Variants in CALN1 observed in about 807,000 individuals in gnomAD.
CALN1 encodes calneuron 1, also known as calcium-binding protein 8.
A neutral mutation model predicts 30.6 loss-of-function variants in CALN1; 17 were observed. That is an observed-to-expected ratio of 0.56 (90% CI 0.38 to 0.83). CALN1 has a LOEUF of 0.83. CALN1 is among the 40% of genes least tolerant of loss of function. The pLI, the probability that CALN1 is intolerant of heterozygous loss-of-function variation, is 0.00. For missense variants in CALN1, 291 were observed against 354.9 expected, an observed-to-expected ratio of 0.82 and a Z score of 1.45; for synonymous variants, 156 against 131.4, an observed-to-expected ratio of 1.19 and a Z score of -1.28.
intron 6 of CALN1, among the ~76,000 whole-genome samples, chr7:71,809,691 GCTCT>G (rs557816720): frequency 1.3e-5 from 2 of 151,698 alleles, no homozygotes; most frequent in African/African-American, 4.8e-5. Context: ...GATTCAGTAG[GCTCT>G]CTTTTTTCTT....
At chr7:72,015,478 C>T (rs747336187) in intron 5 of CALN1, among the ~76,000 whole-genome samples, 4 of 149,656 alleles carry the variant, frequency 2.7e-5, no homozygotes, top group Non-Finnish European at 3.0e-5. Context: ...TCACTCTTGT[C>T]GCCCAGGCTG....
intron 1 of CALN1, among the ~76,000 whole-genome samples, chr7:72,445,741 G>A (rs1265600466): frequency 1.3e-5 from 2 of 152,176 alleles, no homozygotes; most frequent in Non-Finnish European, 2.9e-5. Context: ...GAAGCAGACA[G>A]GCTGACTTCC....
chr7:72,205,202 T>C (rs1022757297), intron 3 of CALN1, among the ~76,000 whole-genome samples: 1 of 151,930 alleles, frequency 6.6e-6, no homozygotes, highest in Non-Finnish European at 1.5e-5. Flanking sequence ...TATTTTTGCT[T>C]TTCTTTTGTT....
At chr7:72,457,431 C>T in the CALN1 span, among the ~76,000 whole-genome samples, 2 of 152,096 alleles carry the variant, frequency 1.3e-5, no homozygotes, top group African/African-American at 4.8e-5. Context: ...TACATGAAAC[C>T]ACTTGCAACT....
chr7:71,914,371 G>A (rs1395063037), intron 5 of CALN1, among the ~76,000 whole-genome samples: 4 of 152,112 alleles, frequency 2.6e-5, no homozygotes, highest in African/African-American at 7.2e-5. Flanking sequence ...TTGTCCTTGC[G>A]AAGGACATGA....
At chr7:72,082,521 A>C (rs1805216105) in intron 4 of CALN1, among the ~76,000 whole-genome samples, 1 of 152,068 alleles carries the variant, frequency 6.6e-6, no homozygotes, top group African/African-American at 2.4e-5. Flanking sequence ...ATGGAAGGAG[A>C]CCTCCTGAAA....
At chr7:71,963,621 T>C (rs960851453) in intron 5 of CALN1, among the ~76,000 whole-genome samples, 3 of 152,202 alleles carry the variant, frequency 2.0e-5, no homozygotes, top group Non-Finnish European at 2.9e-5. Context: ...ACTTTTTCTC[T>C]TCTTTTTTTC....
At chr7:72,483,793 C>G in the CALN1 span, among the ~76,000 whole-genome samples, 1 of 151,852 alleles carries the variant, frequency 6.6e-6, no homozygotes, top group Non-Finnish European at 1.5e-5. Flanking sequence ...CTTGTTTTCT[C>G]TCTTTTCTCT....
upstream of CALN1, among the ~76,000 whole-genome samples, chr7:72,451,884 T>C (rs2129564747): frequency 6.6e-6 from 1 of 152,180 alleles, no homozygotes; most frequent in East Asian, 1.9e-4. Context: ...AACTCTATTT[T>C]GGGGCTGGGT....
chr7:72,117,607 G>T (rs982083201), intron 3 of CALN1, among the ~76,000 whole-genome samples: 1 of 152,088 alleles, frequency 6.6e-6, no homozygotes, highest in Non-Finnish European at 1.5e-5. Context: ...CCAAACTGGG[G>T]TCTGTTCAGT....
chr7:72,257,704 C>T (rs1213940820), intron 3 of CALN1, among the ~76,000 whole-genome samples: 1 of 152,166 alleles, frequency 6.6e-6, no homozygotes, highest in Non-Finnish European at 1.5e-5. Flanking sequence ...AAATGTGGAA[C>T]CGACCTCAAT....
At chr7:72,141,888 G>T (rs563249564) in intron 3 of CALN1, among the ~76,000 whole-genome samples, 96 of 152,152 alleles carry the variant, frequency 6.3e-4, no homozygotes, top group Non-Finnish European at 9.4e-4. Flanking sequence ...ACTTTCTACA[G>T]ATGGGCCCTA....
At chr7:71,788,495 T>TG (rs1793115159) in intron 6 of CALN1, among the ~76,000 whole-genome samples, 2 of 147,880 alleles carry the variant, frequency 1.4e-5, no homozygotes, top group African/African-American at 5.2e-5. Context: ...TTTGTTGTTT[T>TG]TTTTTTTTTT....
chr7:72,127,734 G>A (rs1293263652), intron 3 of CALN1, among the ~76,000 whole-genome samples: 1 of 152,312 alleles, frequency 6.6e-6, no homozygotes, highest in Non-Finnish European at 1.5e-5. Context: ...GGTGTAGGGT[G>A]ATGGCAACAT....
the CALN1 span, among the ~76,000 whole-genome samples, chr7:72,470,947 CTTTG>C: frequency 1.3e-5 from 2 of 151,978 alleles, no homozygotes; most frequent in Non-Finnish European, 2.9e-5. Flanking sequence ...TAATGAGATC[CTTTG>C]TTTGTTTGTT....
intron 5 of CALN1, among the ~76,000 whole-genome samples, chr7:71,866,045 G>A (rs575254247): frequency 2.6e-5 from 4 of 151,250 alleles, no homozygotes; most frequent in South Asian, 4.2e-4. Flanking sequence ...TCGCTCTGTC[G>A]CCCAGGTTGG....
the CALN1 span, among the ~76,000 whole-genome samples, chr7:72,467,495 CTCCAAG>C: frequency 6.6e-6 from 1 of 152,158 alleles, no homozygotes; most frequent in Non-Finnish European, 1.5e-5. Context: ...CTTATAAAAC[CTCCAAG>C]ACAGCTGGCT....
intron 4 of CALN1, among the ~76,000 whole-genome samples, chr7:72,054,460 T>TATATACAC (rs1450817880): frequency 2.3e-4 from 18 of 78,572 alleles, no homozygotes; most frequent in Non-Finnish European, 4.3e-4. Flanking sequence ...TATATATACA[T>TATATACAC]ATATATACAT....
At position 71,954,149 on chromosome 7, in the gene CALN1, C is replaced by A. The variant is rs369765054; in HGVS notation, c.501+69508G>T. Among the ~76,000 whole-genome samples the A allele has an allele frequency of 7.9e-5, 12 of 151,940 alleles. No individual in the cohort carries two copies. In the East Asian group the frequency reaches 2.2e-3, roughly 27 times the overall value. ...GGCCAACGTGGGCAACATAGCAAGA[C>A]ATCATCTCTATGAGAAATTTTAAAA... On this transcript the variant is annotated intron_variant, in intron 5 of 6. Transcript: ENST00000395275.
Sources: allele counts gnomAD v4.1 joint callset (sites outside exome capture counted in the v4.1 genomes callset), GRCh38; gene constraint gnomAD v4.1.1; transcripts MANE v1.5; gene names NCBI Gene and HGNC (gene_info 2026-07-23, HGNC 2026-07-21).